Variants in FAM133B observed in about 807,000 individuals in gnomAD.
FAM133B encodes the protein protein FAM133B.
In FAM133B, 25 loss-of-function variants were observed where a neutral mutation model predicts 46.4. That is an observed-to-expected ratio of 0.54 (90% CI 0.39 to 0.75). The LOEUF (loss-of-function observed/expected upper bound fraction) is 0.75. Ranked by LOEUF, FAM133B falls within the 30% of genes least tolerant of loss-of-function variation. The pLI is 0.00. For missense variants in FAM133B, 205 were observed against 277.6 expected (o/e 0.74, Z 1.86); for synonymous variants, 75 against 86.0 (o/e 0.87, Z 0.71).
At chr7:92,579,833 C>T (rs1794813553) in intron 2 of FAM133B, among the ~76,000 whole-genome samples, 1 of 152,176 alleles carries the variant, frequency 6.6e-6, no homozygotes, top group East Asian at 1.9e-4. Flanking sequence ...TGAACTACTA[C>T]ATTCCATATA....
At chr7:92,569,153 A>T (rs547671478) in intron 9 of FAM133B, among the ~76,000 whole-genome samples, 1 of 152,312 alleles carries the variant, frequency 6.6e-6, no homozygotes, top group South Asian at 2.1e-4. Context: ...TAAGATCCTC[A>T]ACTCTTTTAG....
At chr7:92,583,509 T>C (rs915541762) in intron 1 of FAM133B, among the ~76,000 whole-genome samples, 9 of 152,228 alleles carry the variant, frequency 5.9e-5, no homozygotes, top group Non-Finnish European at 1.3e-4. Flanking sequence ...ATTTAAATCA[T>C]GCTGTCTACT....
intron 1 of FAM133B, 111 bp downstream of exon 1, chr7:92,590,155 CCA>C: frequency 2.6e-6 from 4 of 1,544,792 alleles, no homozygotes; most frequent in Non-Finnish European, 3.6e-6. Flanking sequence ...TCTCCAGGCC[CCA>C]CGTCTGAGGG....
chr7:92,579,367 T>C lies in FAM133B; in HGVS notation c.151A>G (p.Lys51Glu), dbSNP rs1428511534. The part of the protein sequence containing the change: ...WEEVKEQLEK[K>E]KKGSKALAEF... ...GCCAAAGCCTTGGAGCCTTTCTTTT[T>C]CTTTTCTAGTTGCTCTTTTACTTCT... Residue 51 changes from lysine to glutamate, a missense_variant, in exon 3 of 11, where the codon AAA (lysine) becomes GAA (glutamate). Lys to Glu is a moderately conservative substitution (Grantham distance 56). Coordinates refer to ENST00000445716, the MANE Select transcript of FAM133B (RefSeq NM_152789.4). 1 of 1,609,508 alleles carries C rather than the reference T, an allele frequency of 6.2e-7. No individual in the cohort carries two copies. The highest frequency in any genetic ancestry group is 8.5e-7 in the Non-Finnish European group (1 of 1,178,520).
At chr7:92,590,087 TA>T in intron 1 of FAM133B, 180 bp downstream of exon 1, 1 of 796,766 alleles carries the variant, frequency 1.3e-6, no homozygotes, top group Non-Finnish European at 2.0e-6. Context: ...CTGGGAACCC[TA>T]AAGCGCCAAC....
intron 10 of FAM133B, 71 bp downstream of exon 10, chr7:92,565,943 T>TC (rs1794333297): frequency 6.6e-7 from 1 of 1,513,718 alleles, no homozygotes; most frequent in African/African-American, 1.4e-5. Context: ...AATCAAGCTT[T>TC]ACCATGACTC....
chr7:92,574,517 T>C (rs912142560), intron 8 of FAM133B, among the ~76,000 whole-genome samples: 2 of 152,182 alleles, frequency 1.3e-5, no homozygotes, highest in Non-Finnish European at 2.9e-5. Flanking sequence ...AATACATTAA[T>C]ACTGAATTTT....
Position 92,575,767 on chromosome 7 carries a change from T to C in FAM133B, c.516+4A>G, listed in dbSNP as rs777904335. The C allele has an allele frequency of 1.1e-5, 15 of 1,363,290 alleles. No homozygotes were observed. The highest frequency in any genetic ancestry group is 1.8e-5 in the Admixed American group (1 of 56,860). The allele number at this position is 1,363,290 out of a possible 1,614,324, so 84.4% of individuals were successfully genotyped here. On this transcript the variant is annotated splice_donor_region_variant and intron_variant, in intron 8 of 10. Coordinates refer to ENST00000445716, the MANE Select transcript of FAM133B (RefSeq NM_152789.4). ...ATCTTAAGGCAATGTAAAAGTATAG[T>C]TACCTTTTCTTTCTCAGTTCCATCT...
In FAM133B at chr7:92,566,468, GA is replaced by G. The variant is rs113291114; in HGVS notation, c.610-408del. On this transcript the variant is annotated intron_variant, in intron 9 of 10. Transcript: ENST00000445716. Reference sequence around the variant, plus strand: ...GTGAGAGCTCCCCCATCTCTACCAAGAAAAAAAAAAAAGAAAAAGAAAAAAT... The same window carrying G: ...GTGAGAGCTCCCCCATCTCTACCAAGAAAAAAAAAAAGAAAAAGAAAAAAT... Among the ~76,000 whole-genome samples the G allele has an allele frequency of 1.0e-3, 139 of 138,188 alleles. 2 individuals carry two copies. Among genetic ancestry groups the G allele is most frequent in the African/African-American group, 7.9e-4 (30 of 37,764 alleles). 90.7% of individuals were successfully genotyped at this position (138,188 alleles called of 152,430 possible).
At chr7:92,588,857 C>G (rs1167053450) in intron 1 of FAM133B, among the ~76,000 whole-genome samples, 1 of 152,196 alleles carries the variant, frequency 6.6e-6, no homozygotes, top group Non-Finnish European at 1.5e-5. Context: ...AAGACGCCTG[C>G]TCCTGCTTTG....
At chr7:92,587,213 C>T (rs1162119124) in intron 1 of FAM133B, among the ~76,000 whole-genome samples, 2 of 152,202 alleles carry the variant, frequency 1.3e-5, no homozygotes, top group Non-Finnish European at 2.9e-5. Flanking sequence ...ATCCTATCAT[C>T]TTTAAAACTA....
chr7:92,562,289 G>A lies in FAM133B; in HGVS notation c.737C>T (p.Ser246Leu). The change falls in exon 11 of 11, where the codon TCA (serine) becomes TTA (leucine). Residue 246 changes from serine (S) to leucine (L), a missense_variant. Transcript: ENST00000445716. ...KKKAASSSPD[S>L]P Reference sequence around the variant, plus strand: ...TCCTGATTTTTCTTAATGTTATGGTGAGTCAGGACTTGAACTAGCAGCCTT... The same window carrying A: ...TCCTGATTTTTCTTAATGTTATGGTAAGTCAGGACTTGAACTAGCAGCCTT... 4 of 1,532,114 alleles carry A rather than the reference G, an allele frequency of 2.6e-6. No individual in the cohort carries two copies. Among genetic ancestry groups the A allele is most frequent in the Non-Finnish European group, 3.5e-6 (4 of 1,145,740 alleles). The allele number at this position is 1,532,114 out of a possible 1,614,324, so 94.9% of individuals were successfully genotyped here. A position where few individuals can be genotyped will look rare whatever the true frequency, so the allele number is the denominator to read the frequency against.
intron 2 of FAM133B, among the ~76,000 whole-genome samples, chr7:92,580,559 G>A (rs1461620905): frequency 1.3e-5 from 2 of 152,198 alleles, no homozygotes; most frequent in Admixed American, 1.3e-4. Context: ...ATCCCACTAG[G>A]GGAGGACCCT....
intron 1 of FAM133B, among the ~76,000 whole-genome samples, chr7:92,584,122 G>A (rs1395886779): frequency 6.7e-6 from 1 of 150,014 alleles, no homozygotes; most frequent in Non-Finnish European, 1.5e-5. Context: ...GGTCAGTGGT[G>A]TGATCATATC....
chr7:92,589,578 T>C (rs1054095488), intron 1 of FAM133B, among the ~76,000 whole-genome samples: 2 of 152,210 alleles, frequency 1.3e-5, no homozygotes, highest in Non-Finnish European at 2.9e-5. Flanking sequence ...GAAAAGTAAC[T>C]TGTTCTAGGT....
rs571400856 is a variant in FAM133B, at chr7:92,567,634, T to TA, written c.610-1574dup. Reference sequence around the variant, plus strand: ...TGACTAAGGGTGACAGCAGATGTACTACATCTATATTTAGCCAGGCAGAGA... The same window carrying TA: ...TGACTAAGGGTGACAGCAGATGTACTAACATCTATATTTAGCCAGGCAGAGA... On this transcript the variant is annotated intron_variant, in intron 9 of 10. Coordinates refer to ENST00000445716, the MANE Select transcript of FAM133B (RefSeq NM_152789.4). Among the ~76,000 whole-genome samples the TA allele has an allele frequency of 1.2e-4, 19 of 152,346 alleles. No homozygotes were observed. In the East Asian group the frequency reaches 3.5e-3, roughly 28 times the overall value.
intron 1 of FAM133B, among the ~76,000 whole-genome samples, chr7:92,584,534 T>C (rs1794984441): frequency 6.6e-6 from 1 of 152,204 alleles, no homozygotes; most frequent in South Asian, 2.1e-4. Context: ...ATCTTTGACA[T>C]ACTTCTCTAC....
In FAM133B at chr7:92,579,430, C is replaced by T. The variant is rs764782251; in HGVS notation, c.123-35G>A. On this transcript the variant is annotated intron_variant, in intron 2 of 10. Coordinates refer to ENST00000445716, the MANE Select transcript of FAM133B (RefSeq NM_152789.4). Reference sequence around the variant, plus strand: ...TAGAATGTACAAACAAAATTTCAAGCAATTCAAATTAGATAAATGCTTACA... The same window carrying T: ...TAGAATGTACAAACAAAATTTCAAGTAATTCAAATTAGATAAATGCTTACA... 8 of 1,482,942 alleles carry T rather than the reference C, an allele frequency of 5.4e-6. No homozygotes were observed. The South Asian group carries it at 1.0e-4, about 19-fold the overall frequency. The allele number at this position is 1,482,942 out of a possible 1,614,324, so 91.9% of individuals were successfully genotyped here.
At chr7:92,570,138 C>T (rs1290354773) in intron 8 of FAM133B, among the ~76,000 whole-genome samples, 3 of 151,828 alleles carry the variant, frequency 2.0e-5, no homozygotes, top group African/African-American at 4.8e-5. Flanking sequence ...ATGTAATATC[C>T]ATCTTATTTT....
Sources: gnomAD v4.1 joint callset for allele counts (sites outside exome capture counted in the v4.1 genomes callset) on GRCh38, gnomAD v4.1.1 for gene constraint, MANE v1.5 for transcripts, NCBI Gene and HGNC (gene_info 2026-07-23, HGNC 2026-07-21) for gene names.